Variants in WDFY2 observed in about 807,000 individuals in gnomAD.
WDFY2 encodes the protein WD repeat and FYVE domain-containing protein 2.
A neutral mutation model predicts 56.4 loss-of-function variants in WDFY2; 36 were observed. The observed-to-expected ratio is 0.64, with a 90% confidence interval of 0.49 to 0.84. The LOEUF (loss-of-function observed/expected upper bound fraction) is 0.84. Ranked by LOEUF, WDFY2 falls within the 40% of genes least tolerant of loss-of-function variation. WDFY2 has a pLI of 0.00. For missense variants in WDFY2, 444 were observed against 512.2 expected (o/e 0.87, Z 1.29); for synonymous variants, 176 against 183.7 (o/e 0.96, Z 0.34).
chr13:51,691,081 A>G (rs1189078887), intron 3 of WDFY2, among the ~76,000 whole-genome samples: 2 of 152,118 alleles, frequency 1.3e-5, no homozygotes, highest in African/African-American at 2.4e-5. Context: ...AGTTCATTGT[A>G]GATTCTGGAT....
At chr13:51,588,930 T>G (rs145485515) in intron 1 of WDFY2, 3,122 of 152,308 alleles carry the variant, frequency 0.02, 38 homozygotes, top group Middle Eastern at 0.034. Context: ...GTAGGAGAGA[T>G]AACTATAGAG....
chr13:51,749,286 G>A (rs762029337), intron 7 of WDFY2, among the ~76,000 whole-genome samples: 13 of 151,974 alleles, frequency 8.6e-5, no homozygotes, highest in East Asian at 3.8e-4. Context: ...CTTTGGTGTC[G>A]TCAAATAAGT....
chr13:51,644,211 C>T (rs1955225979), intron 1 of WDFY2, among the ~76,000 whole-genome samples: 1 of 152,144 alleles, frequency 6.6e-6, no homozygotes, highest in Non-Finnish European at 1.5e-5. Flanking sequence ...AAAACAAAAG[C>T]CAAGTCTGCA....
chr13:51,750,381 A>G (rs570995469), intron 7 of WDFY2, among the ~76,000 whole-genome samples: 1 of 152,190 alleles, frequency 6.6e-6, no homozygotes, highest in Non-Finnish European at 1.5e-5. Flanking sequence ...ACACATAGAC[A>G]CACACAGCTT....
chr13:51,751,345 C>A lies in WDFY2; in HGVS notation c.761C>A (p.Thr254Lys). The part of the protein sequence containing the change: ...RVQALSYAQH[T>K]RQLISCGGDG... ...CAGGCCCTCTCCTATGCACAGCACACGCGACAATTGATCTCCTGTGGCGGT... is the reference window on the plus strand; with the variant it reads ...CAGGCCCTCTCCTATGCACAGCACAAGCGACAATTGATCTCCTGTGGCGGT... The change falls in exon 8 of 12, where the codon ACG becomes AAG. Residue 254 changes from threonine to lysine, a missense_variant. Physicochemically the swap from Thr to Lys is moderately conservative, Grantham distance 78. Transcript: ENST00000298125. 1 of 1,613,986 alleles carries A rather than the reference C, an allele frequency of 6.2e-7. No homozygotes were observed. Among genetic ancestry groups the A allele is most frequent in the Non-Finnish European group, 8.5e-7 (1 of 1,179,912 alleles).
chr13:51,604,866 A>G (rs933852242), intron 1 of WDFY2, among the ~76,000 whole-genome samples: 2 of 152,238 alleles, frequency 1.3e-5, no homozygotes, highest in Admixed American at 6.5e-5. Flanking sequence ...AGGAGGGCAC[A>G]TTGAGAAGGA....
chr13:51,703,472 G>C (rs1952024654), intron 3 of WDFY2, 124 bp from the exon 4 acceptor site: 1 of 685,230 alleles, frequency 1.5e-6, no homozygotes, highest in East Asian at 3.2e-5. Flanking sequence ...CTGAGTTGAT[G>C]GGCAAAATAC....
At chr13:51,648,840 A>G (rs928538149) in intron 1 of WDFY2, among the ~76,000 whole-genome samples, 9 of 152,322 alleles carry the variant, frequency 5.9e-5, no homozygotes, top group Admixed American at 2.6e-4. Flanking sequence ...CACAGAATGA[A>G]ATTATGCTGT....
chr13:51,744,655 T>C (rs1953052454), intron 7 of WDFY2, among the ~76,000 whole-genome samples: 1 of 152,230 alleles, frequency 6.6e-6, no homozygotes, highest in Non-Finnish European at 1.5e-5. Context: ...GTAGTATTTA[T>C]AGATGGCAGA....
At chr13:51,614,860 G>A (rs552601211) in intron 1 of WDFY2, among the ~76,000 whole-genome samples, 36 of 152,312 alleles carry the variant, frequency 2.4e-4, no homozygotes, top group African/African-American at 8.4e-4. Context: ...TGGGACTCAG[G>A]AGGAATGAAA....
At chr13:51,725,957 G>A (rs904180605) in intron 5 of WDFY2, among the ~76,000 whole-genome samples, 1 of 152,176 alleles carries the variant, frequency 6.6e-6, no homozygotes, top group Non-Finnish European at 1.5e-5. Context: ...TTACAGGCAT[G>A]AGCCACTGTG....
chr13:51,680,590 T>C lies in WDFY2; in HGVS notation c.279+5347T>C, dbSNP rs1955960432. Among the ~76,000 whole-genome samples the C allele has an allele frequency of 4.6e-5, 7 of 152,344 alleles. No homozygotes were observed. The South Asian group carries it at 1.4e-3, about 32-fold the overall frequency. The stretch of plus-strand genomic sequence containing the variant: ...GTACATCTGGTAATATTGTATCTAC[T>C]GTGTTTCCCTAACAGTGTTAGAGCA... On this transcript the variant is annotated intron_variant, in intron 3 of 11. Coordinates refer to ENST00000298125, the MANE Select transcript of WDFY2 (RefSeq NM_052950.4).
rs1955328055 is a variant in WDFY2, at chr13:51,649,527, A to G, written c.138-11069A>G. Reference sequence around the variant, plus strand: ...GCCATGTTGGTGTGCTGCACCCGTTAACTCGTAATTTAACATTAGGTATAT... The same window carrying G: ...GCCATGTTGGTGTGCTGCACCCGTTGACTCGTAATTTAACATTAGGTATAT... On this transcript the variant is annotated intron_variant, in intron 1 of 11. Coordinates refer to ENST00000298125, the MANE Select transcript of WDFY2 (RefSeq NM_052950.4). 2.6e-5 allele frequency among the ~76,000 whole-genome samples: 4 copies of G among 151,192 alleles called. No individual in the cohort carries two copies. In the South Asian group the frequency reaches 8.4e-4, roughly 32 times the overall value.
intron 1 of WDFY2, 134 bp downstream of exon 1, chr13:51,584,958 C>T (rs1953907942): frequency 4.8e-6 from 6 of 1,262,610 alleles, no homozygotes; most frequent in Non-Finnish European, 6.4e-6. Context: ...AATGCGCATC[C>T]TGGTGGTGCC....
Position 51,767,595 on chromosome 13 carries a change from G to A in WDFY2, c.*7826G>A, listed in dbSNP as rs1278275690. ...TGGAGTCACTAAGAGGTAAAATGGTGTAAATTAGAGGTTTTATCAAAGTGT... is the reference window on the plus strand; with the variant it reads ...TGGAGTCACTAAGAGGTAAAATGGTATAAATTAGAGGTTTTATCAAAGTGT... On this transcript the variant is annotated 3_prime_UTR_variant, in exon 12 of 12. Coordinates refer to ENST00000298125, the MANE Select transcript of WDFY2 (RefSeq NM_052950.4). The A allele has an allele frequency of 6.5e-6, 1 of 153,002 alleles. No individual in the cohort carries two copies. Among genetic ancestry groups the A allele is most frequent in the East Asian group, 1.9e-4 (1 of 5,204 alleles). 9.5% of individuals were successfully genotyped at this position (153,002 alleles called of 1,614,324 possible). A position where few individuals can be genotyped will look rare whatever the true frequency, so the allele number is the denominator to read the frequency against.
At chr13:51,666,725 C>T (rs1397691784) in intron 2 of WDFY2, among the ~76,000 whole-genome samples, 1 of 151,604 alleles carries the variant, frequency 6.6e-6, no homozygotes, top group East Asian at 1.9e-4. Flanking sequence ...CACACACACA[C>T]TCTCTCTCTC....
At chr13:51,616,625 C>T (rs1213756151) in intron 1 of WDFY2, among the ~76,000 whole-genome samples, 1 of 152,214 alleles carries the variant, frequency 6.6e-6, no homozygotes, top group Non-Finnish European at 1.5e-5. Flanking sequence ...AAAGATTTGG[C>T]AGGTCCTGCA....
At chr13:51,610,990 G>A (rs772741134) in intron 1 of WDFY2, among the ~76,000 whole-genome samples, 2 of 152,198 alleles carry the variant, frequency 1.3e-5, no homozygotes, top group Non-Finnish European at 2.9e-5. Flanking sequence ...GTATGGGGAA[G>A]TAAGAGAAGT....
At chr13:51,695,827 C>G (rs971396335) in intron 3 of WDFY2, among the ~76,000 whole-genome samples, 1 of 152,224 alleles carries the variant, frequency 6.6e-6, no homozygotes, top group Non-Finnish European at 1.5e-5. Flanking sequence ...GTGGTGGGCT[C>G]CACCCAGTTG....
Sources: gnomAD v4.1 joint callset for allele counts (sites outside exome capture counted in the v4.1 genomes callset) on GRCh38, gnomAD v4.1.1 for gene constraint, MANE v1.5 for transcripts, NCBI Gene and HGNC (gene_info 2026-07-23, HGNC 2026-07-21) for gene names.